SCHIP1: variants seen among roughly 807,000 people sequenced by gnomAD.
SCHIP1 encodes the protein schwannomin interacting protein 1, also known as schwannomin-interacting protein 1.
SCHIP1 carries 8 observed loss-of-function variants against 29.7 expected under a neutral mutation model. That is an observed-to-expected ratio of 0.27 (90% CI 0.16 to 0.49). The LOEUF (loss-of-function observed/expected upper bound fraction) is 0.49. Ranked by LOEUF, SCHIP1 falls within the 20% of genes least tolerant of loss-of-function variation. The pLI is 0.99. For synonymous variants in SCHIP1, 76 were observed against 94.9 expected (o/e 0.80, Z 1.16); for missense variants, 193 against 294.6 (o/e 0.66, Z 2.52).
At chr3:159,787,639 T>G in the SCHIP1 span, among the ~76,000 whole-genome samples, 7 of 152,206 alleles carry the variant, frequency 4.6e-5, no homozygotes, top group African/African-American at 1.7e-4. Flanking sequence ...CTCAATCACA[T>G]TTCTTTGAAA....
the SCHIP1 span, among the ~76,000 whole-genome samples, chr3:159,419,232 T>C: frequency 6.6e-6 from 1 of 152,202 alleles, no homozygotes; most frequent in Non-Finnish European, 1.5e-5. Flanking sequence ...CTGCACTTTG[T>C]TTCCTCCATT....
At chr3:159,786,516 C>A in the SCHIP1 span, among the ~76,000 whole-genome samples, 1 of 152,140 alleles carries the variant, frequency 6.6e-6, no homozygotes, top group South Asian at 2.1e-4. Context: ...AACATTAATG[C>A]TTCTTAAATA....
At chr3:159,425,819 G>T in the SCHIP1 span, among the ~76,000 whole-genome samples, 1 of 152,082 alleles carries the variant, frequency 6.6e-6, no homozygotes, top group Non-Finnish European at 1.5e-5. Flanking sequence ...AAATGTAAAA[G>T]AACAGAAATT....
At chr3:159,697,108 T>C in the SCHIP1 span, among the ~76,000 whole-genome samples, 54 of 152,306 alleles carry the variant, frequency 3.5e-4, no homozygotes, top group Admixed American at 5.9e-4. Context: ...GGGAGGCTAA[T>C]TGGGACACTG....
At chr3:159,394,037 G>C in the SCHIP1 span, among the ~76,000 whole-genome samples, 9 of 151,864 alleles carry the variant, frequency 5.9e-5, no homozygotes, top group African/African-American at 2.2e-4. Flanking sequence ...CACATCCCTT[G>C]TAAGTTGGAT....
the SCHIP1 span, chr3:159,764,286 G>A: frequency 3.8e-6 from 3 of 791,142 alleles, no homozygotes; most frequent in Non-Finnish European, 5.7e-6. This position sits in a 1 kb window ranked among gnomAD's most constrained non-coding sequence, Gnocchi z 6.1. Flanking sequence ...GGAAGCCTCA[G>A]GCTGGTGCTG....
the SCHIP1 span, among the ~76,000 whole-genome samples, chr3:159,336,457 C>G: frequency 6.6e-6 from 1 of 152,110 alleles, no homozygotes; most frequent in Non-Finnish European, 1.5e-5. Flanking sequence ...AGGTTTTCTT[C>G]TAGGGTTTTA....
At chr3:159,517,408 G>T in the SCHIP1 span, among the ~76,000 whole-genome samples, 4 of 152,028 alleles carry the variant, frequency 2.6e-5, no homozygotes, top group African/African-American at 9.7e-5. Flanking sequence ...CATATTTTAA[G>T]ATATAAATAC....
chr3:159,651,291 A>G, the SCHIP1 span, among the ~76,000 whole-genome samples: 5 of 152,202 alleles, frequency 3.3e-5, no homozygotes, highest in Non-Finnish European at 5.9e-5. Context: ...CTTGCAACAA[A>G]TGTGTGTTAC....
the SCHIP1 span, among the ~76,000 whole-genome samples, chr3:159,715,470 T>G: frequency 2.0e-5 from 3 of 152,076 alleles, no homozygotes; most frequent in Middle Eastern, 3.2e-3. Flanking sequence ...AAGGAGGATA[T>G]TTGAACCCAT....
chr3:159,596,549 C>T, the SCHIP1 span, among the ~76,000 whole-genome samples: 1 of 152,088 alleles, frequency 6.6e-6, no homozygotes, highest in African/African-American at 2.4e-5. Context: ...GGAACCAACC[C>T]AAATGTCCAT....
the SCHIP1 span, among the ~76,000 whole-genome samples, chr3:159,535,844 C>G: frequency 8.5e-5 from 13 of 152,074 alleles, no homozygotes; most frequent in African/African-American, 3.1e-4. Flanking sequence ...TGTGTATTCT[C>G]CAACTGTTTA....
chr3:159,635,283 G>A, the SCHIP1 span, among the ~76,000 whole-genome samples: 1 of 152,190 alleles, frequency 6.6e-6, no homozygotes, highest in Non-Finnish European at 1.5e-5. Flanking sequence ...CTCCTAGCCA[G>A]CACAAGCCTT....
chr3:159,660,345 C>A, the SCHIP1 span, among the ~76,000 whole-genome samples: 1 of 152,180 alleles, frequency 6.6e-6, no homozygotes, highest in Non-Finnish European at 1.5e-5. Flanking sequence ...TCCTCATTGT[C>A]TTTTCCCCTG....
At chr3:159,512,128 T>C in the SCHIP1 span, among the ~76,000 whole-genome samples, 17,593 of 151,294 alleles carry the variant, frequency 0.12, 1,063 homozygotes, top group South Asian at 0.13. Flanking sequence ...CAACAAAATA[T>C]ATAGAAAAAT....
At chr3:159,557,271 A>C in the SCHIP1 span, among the ~76,000 whole-genome samples, 1 of 152,226 alleles carries the variant, frequency 6.6e-6, no homozygotes, top group South Asian at 2.1e-4. Flanking sequence ...GGGTATAAAA[A>C]TTCAACTACA....
At chr3:159,612,107 ATTC>A in the SCHIP1 span, among the ~76,000 whole-genome samples, 1 of 152,144 alleles carries the variant, frequency 6.6e-6, no homozygotes, top group South Asian at 2.1e-4. Context: ...AATATAAAAT[ATTC>A]TTGAGAAAAT....
chr3:159,511,166 G>T, the SCHIP1 span, among the ~76,000 whole-genome samples: 5 of 152,204 alleles, frequency 3.3e-5, no homozygotes, highest in African/African-American at 7.2e-5. Context: ...CCTCAGCAAT[G>T]GTGGGCACCC....
chr3:159,563,645 A>G, the SCHIP1 span, among the ~76,000 whole-genome samples: 1 of 152,136 alleles, frequency 6.6e-6, no homozygotes. Flanking sequence ...CCTGAGCAGC[A>G]TAGTTAAAAC....
Sources: allele counts gnomAD v4.1 joint callset (sites outside exome capture counted in the v4.1 genomes callset), GRCh38; gene constraint gnomAD v4.1.1; non-coding constraint Gnocchi (gnomAD v3.1); transcripts MANE v1.5; gene names NCBI Gene and HGNC (gene_info 2026-07-23, HGNC 2026-07-21).